Variants in NTRK3 observed in about 807,000 individuals in gnomAD.
The protein encoded by NTRK3 is NT-3 growth factor receptor.
Under a neutral mutation model 91.7 loss-of-function variants are expected in NTRK3, and 24 were observed. That is an observed-to-expected ratio of 0.26 (90% CI 0.19 to 0.37). NTRK3 has a LOEUF of 0.37. NTRK3 is among the 10% of genes least tolerant of loss of function. NTRK3 has a pLI of 1.00. For synonymous variants in NTRK3, 483 were observed against 404.0 expected (o/e 1.20, Z -2.34); for missense variants, 880 against 1,068.9 (o/e 0.82, Z 2.46).
At chr15:88,227,011 CAG>C (rs1450067374) in intron 3 of NTRK3, among the ~76,000 whole-genome samples, 1 of 152,220 alleles carries the variant, frequency 6.6e-6, no homozygotes, top group Non-Finnish European at 1.5e-5. Flanking sequence ...CCTCCTTTTA[CAG>C]AGATAGAGGA....
intron 5 of NTRK3, among the ~76,000 whole-genome samples, chr15:88,157,787 C>G (rs1483999028): frequency 1.3e-5 from 2 of 152,064 alleles, no homozygotes; most frequent in African/African-American, 4.8e-5. Flanking sequence ...ACCCGGAGTC[C>G]TGGATTCTGA....
intron 13 of NTRK3, among the ~76,000 whole-genome samples, chr15:88,040,759 G>C (rs1202393782): frequency 5.9e-5 from 9 of 152,002 alleles, no homozygotes; most frequent in Admixed American, 3.3e-4. Context: ...AAGGATGCTG[G>C]GATCCCTGTG....
At chr15:88,041,379 A>T (rs954422341) in intron 13 of NTRK3, among the ~76,000 whole-genome samples, 2 of 152,188 alleles carry the variant, frequency 1.3e-5, no homozygotes, top group Admixed American at 1.3e-4. Flanking sequence ...TGTGGTAAGC[A>T]TGACTGCTAT....
intron 14 of NTRK3, among the ~76,000 whole-genome samples, chr15:88,026,380 A>G (rs773606027): frequency 1.9e-4 from 29 of 152,260 alleles, no homozygotes; most frequent in Non-Finnish European, 4.0e-4. Flanking sequence ...AAAGAAGCCA[A>G]TCTGAAAAGG....
intron 13 of NTRK3, among the ~76,000 whole-genome samples, chr15:88,110,135 C>A (rs1047019641): frequency 1.3e-5 from 2 of 151,952 alleles, no homozygotes; most frequent in Non-Finnish European, 2.9e-5. Flanking sequence ...TTTAATGAGC[C>A]CCAGTAGGAT....
intron 3 of NTRK3, among the ~76,000 whole-genome samples, chr15:88,207,327 C>A (rs1025896991): frequency 6.6e-6 from 1 of 152,188 alleles, no homozygotes; most frequent in African/African-American, 2.4e-5. Context: ...GCAGTCAGGA[C>A]AACTGAGCTA....
intron 3 of NTRK3, among the ~76,000 whole-genome samples, chr15:88,222,396 C>A (rs568136027): frequency 6.6e-6 from 1 of 152,344 alleles, no homozygotes; most frequent in South Asian, 2.1e-4. Context: ...AAAAGCAGCT[C>A]TAGTGTTCAA....
At chr15:87,993,814 A>AAGGG in intron 14 of NTRK3, among the ~76,000 whole-genome samples, 1 of 152,204 alleles carries the variant, frequency 6.6e-6, no homozygotes, top group African/African-American at 2.4e-5. Context: ...GAGCTGGATA[A>AAGGG]AGGGAGAGGC....
intron 13 of NTRK3, among the ~76,000 whole-genome samples, chr15:88,038,879 T>G (rs2079321925): frequency 6.6e-6 from 1 of 152,018 alleles, no homozygotes; most frequent in Admixed American, 6.6e-5. Context: ...CTCACATCAC[T>G]TGCCTCAGGG....
At chr15:87,891,262 T>G (rs2065847231) in intron 17 of NTRK3, among the ~76,000 whole-genome samples, 1 of 152,242 alleles carries the variant, frequency 6.6e-6, no homozygotes, top group Non-Finnish European at 1.5e-5. Flanking sequence ...AGCTATGTTT[T>G]AAAGTCATTT....
chr15:88,180,116 G>A (rs574481390), intron 5 of NTRK3, among the ~76,000 whole-genome samples: 1 of 152,110 alleles, frequency 6.6e-6, no homozygotes, highest in Admixed American at 6.5e-5. Flanking sequence ...TGGTCACTGG[G>A]CTGAGAGCTG....
At chr15:88,190,790 C>T (rs935482966) in intron 3 of NTRK3, among the ~76,000 whole-genome samples, 3 of 152,310 alleles carry the variant, frequency 2.0e-5, no homozygotes, top group Admixed American at 2.0e-4. Context: ...CATAGCAAAA[C>T]TAGTTGTGGT....
chr15:87,973,051 G>T (rs1402879383), intron 14 of NTRK3, among the ~76,000 whole-genome samples: 1 of 151,950 alleles, frequency 6.6e-6, no homozygotes, highest in African/African-American at 2.4e-5. Context: ...GTCATTCCTC[G>T]CCATCCTGGC....
intron 3 of NTRK3, among the ~76,000 whole-genome samples, chr15:88,200,001 G>A (rs2048166165): frequency 6.6e-6 from 1 of 152,194 alleles, no homozygotes; most frequent in Non-Finnish European, 1.5e-5. Context: ...GGATTCTCAC[G>A]TCCAACCCCA....
In NTRK3 at chr15:88,240,487, A is replaced by G. The variant is rs1040037221; in HGVS notation, c.248+15419T>C. Among the ~76,000 whole-genome samples the G allele has an allele frequency of 1.3e-5, 2 of 152,126 alleles. No homozygotes were observed. Among genetic ancestry groups the G allele is most frequent in the South Asian group, 4.2e-4 (2 of 4,804 alleles). On this transcript the variant is annotated intron_variant, in intron 3 of 18. Coordinates refer to ENST00000394480, the Ensembl canonical transcript of NTRK3. This position sits in a 1 kb window ranked among gnomAD's most constrained non-coding sequence, Gnocchi z 4.9. ...GGGCCCCTTCTACCCCACCCTCCTT[A>G]CCACCAAAACAGCACGTCATGTGTC...
At chr15:87,931,175 G>C (rs900068004) in intron 16 of NTRK3, 5 of 515,492 alleles carry the variant, frequency 9.7e-6, no homozygotes, top group Non-Finnish European at 1.9e-5. Context: ...TATGACAGTA[G>C]TGCAGAGGCA....
At chr15:87,885,995 C>G (rs182512261) in intron 17 of NTRK3, among the ~76,000 whole-genome samples, 1 of 152,028 alleles carries the variant, frequency 6.6e-6, no homozygotes, top group East Asian at 1.9e-4. Flanking sequence ...ACAAAGTGCT[C>G]CTTCAAATTA....
intron 17 of NTRK3, among the ~76,000 whole-genome samples, chr15:87,911,123 T>G (rs923556119): frequency 3.9e-5 from 6 of 152,138 alleles, no homozygotes; most frequent in Non-Finnish European, 7.3e-5. Context: ...CAGAGCAAGA[T>G]AAACACAGTC....
chr15:87,906,373 C>T (rs1270106774), intron 17 of NTRK3, among the ~76,000 whole-genome samples: 1 of 152,196 alleles, frequency 6.6e-6, no homozygotes, highest in Non-Finnish European at 1.5e-5. Context: ...TTAAGATGCT[C>T]TGAATGGCCA....
Sources: allele counts gnomAD v4.1 joint callset (sites outside exome capture counted in the v4.1 genomes callset), GRCh38; gene constraint gnomAD v4.1.1; non-coding constraint Gnocchi (gnomAD v3.1); transcripts MANE v1.5; gene names NCBI Gene and HGNC (gene_info 2026-07-23, HGNC 2026-07-21).